CPD: variants seen among roughly 807,000 people sequenced by gnomAD.
CPD encodes carboxypeptidase D.
A neutral mutation model predicts 138.3 loss-of-function variants in CPD; 69 were observed. The observed-to-expected ratio is 0.50, with a 90% CI of 0.41 to 0.61. The LOEUF is 0.61. Ranked by LOEUF, CPD falls within the 20% of genes least tolerant of loss-of-function variation. The pLI is 0.00. For synonymous variants in CPD, 651 were observed against 642.1 expected (o/e 1.01, Z -0.21); for missense variants, 1,432 against 1,733.3 (o/e 0.83, Z 3.09).
intron 11 of CPD, among the ~76,000 whole-genome samples, chr17:30,444,990 A>G (rs1912988203): frequency 4.6e-5 from 7 of 152,054 alleles, no homozygotes; most frequent in Admixed American, 4.6e-4. Context: ...TGTTAACTAA[A>G]GCAGCAGGGG....
At chr17:30,417,646 C>T (rs1912146775) in intron 2 of CPD, among the ~76,000 whole-genome samples, 1 of 152,068 alleles carries the variant, frequency 6.6e-6, no homozygotes, top group African/African-American at 2.4e-5. Context: ...CACATCTTTC[C>T]CTTCTCTTCC....
rs1394081459 is a variant in CPD at position 30,423,503 on chromosome 17, C to T, written c.1658-3C>T. ...GCCTTCCATGTAATTATTTTGTTTT[C>T]AGGTGAACCAGAATTTAAGTACATT... On this transcript the variant is annotated splice_polypyrimidine_tract_variant and splice_region_variant and intron_variant, in intron 5 of 20. Coordinates refer to ENST00000225719, the MANE Select transcript of CPD (RefSeq NM_001304.5). 1 of 1,523,990 alleles carries T rather than the reference C, an allele frequency of 6.6e-7. No individual in the cohort carries two copies. The highest frequency in any genetic ancestry group is 2.4e-5 in the East Asian group (1 of 41,404). The allele number at this position is 1,523,990 out of a possible 1,614,324, so 94.4% of individuals were successfully genotyped here. A position where few individuals can be genotyped will look rare whatever the true frequency, so the allele number is the denominator to read the frequency against.
chr17:30,401,851 C>T (rs1355776417), intron 2 of CPD, among the ~76,000 whole-genome samples: 2 of 151,586 alleles, frequency 1.3e-5, no homozygotes, highest in Non-Finnish European at 2.9e-5. Flanking sequence ...GATTTTTTTG[C>T]ACTTATAGTG....
chr17:30,469,155 C>G lies in CPD; in HGVS notation c.*4341C>G, dbSNP rs1430971510. ...TCTACCCTAATAGGAATTGGGAAAG[C>G]AAAGTTGTATGAGAAACAGACTCTG... On this transcript the variant is annotated 3_prime_UTR_variant, in exon 21 of 21. Coordinates refer to ENST00000225719, the MANE Select transcript of CPD (RefSeq NM_001304.5). 1.8e-4 allele frequency: 28 copies of G among 152,094 alleles called. No individual in the cohort carries two copies. The highest frequency in any genetic ancestry group is 1.8e-3 in the Admixed American group (28 of 15,270). 9.4% of individuals were successfully genotyped at this position (152,094 alleles called of 1,614,324 possible).
intron 2 of CPD, among the ~76,000 whole-genome samples, chr17:30,388,415 G>A (rs1228963101): frequency 6.6e-6 from 1 of 152,160 alleles, no homozygotes; most frequent in Non-Finnish European, 1.5e-5. Flanking sequence ...GTGCTGAGTC[G>A]CCCTCAGTCC....
intron 2 of CPD, among the ~76,000 whole-genome samples, chr17:30,407,560 T>C (rs766793646): frequency 6.6e-6 from 1 of 152,238 alleles, no homozygotes; most frequent in Non-Finnish European, 1.5e-5. Context: ...GTTTCTCTGA[T>C]GACCAGTGAT....
rs767940267 is a variant in CPD at position 30,431,856 on chromosome 17, A to G, written c.2102A>G (p.Gln701Arg). ...YSKSPDDAVFQQIALSYSKEN... is the reference protein window; with the variant it reads ...YSKSPDDAVFRQIALSYSKEN... ...AAATCACCAGATGATGCTGTGTTCC[A>G]ACAAATAGCACTTTCTTATTCCAAG... The change falls in exon 8 of 21, where the codon CAA becomes CGA. Residue 701 changes from glutamine (Q) to arginine (R), a missense_variant. Gln to Arg is a conservative substitution (Grantham distance 43). Transcript: ENST00000225719. 1.9e-6 allele frequency: 3 copies of G among 1,608,702 alleles called. No homozygotes were observed. Among genetic ancestry groups the G allele is most frequent in the Non-Finnish European group, 2.6e-6 (3 of 1,176,206 alleles).
At chr17:30,429,493 A>G (rs986010142) in intron 7 of CPD, among the ~76,000 whole-genome samples, 1 of 152,226 alleles carries the variant, frequency 6.6e-6, no homozygotes, top group Non-Finnish European at 1.5e-5. Context: ...AGCAGTTTGA[A>G]GGAGAATTTC....
intron 2 of CPD, among the ~76,000 whole-genome samples, chr17:30,401,432 T>C (rs1251328741): frequency 6.8e-6 from 1 of 146,850 alleles, no homozygotes; most frequent in Non-Finnish European, 1.5e-5. Flanking sequence ...CCTCTTCCTC[T>C]TCTTCTTCCT....
chr17:30,453,929 C>G (rs574820779), intron 14 of CPD: 2 of 152,182 alleles, frequency 1.3e-5, no homozygotes, highest in Non-Finnish European at 2.9e-5. Context: ...TAGTCACAGC[C>G]GGCACAGCTG....
chr17:30,421,592 G>A (rs1912266461), intron 3 of CPD, 72 bp from the exon 4 acceptor site: 18 of 1,292,476 alleles, frequency 1.4e-5, no homozygotes, highest in South Asian at 3.8e-5. Context: ...TTCTAGTATC[G>A]GTGCAGAGAG....
At position 30,421,698 on chromosome 17, in the gene CPD, C is replaced by T. The variant is rs761294131; in HGVS notation, c.1172C>T (p.Ser391Phe). Reference protein sequence around the residue: ...HIGVKGFVKDSITGSGLENAT... With the variant: ...HIGVKGFVKDFITGSGLENAT... The stretch of plus-strand genomic sequence containing the variant: ...GGAGTGAAAGGATTTGTTAAAGATT[C>T]CATAACAGGATCTGGGTTAGAGAAT... The change falls in exon 4 of 21, where the codon TCC becomes TTC. Residue 391 changes from serine to phenylalanine, a missense_variant. Transcript: ENST00000225719. 3.4e-5 allele frequency: 55 copies of T among 1,613,728 alleles called. No individual in the cohort carries two copies. In the South Asian group the frequency reaches 4.5e-4, roughly 13 times the overall value.
intron 2 of CPD, among the ~76,000 whole-genome samples, chr17:30,403,660 G>A (rs1911733685): frequency 6.6e-6 from 1 of 152,166 alleles, no homozygotes; most frequent in Non-Finnish European, 1.5e-5. Flanking sequence ...GTTAGGTGAT[G>A]ATGCAGAATA....
At chr17:30,401,315 TTCC>T (rs901862548) in intron 2 of CPD, among the ~76,000 whole-genome samples, 6 of 151,398 alleles carry the variant, frequency 4.0e-5, no homozygotes, top group East Asian at 1.9e-4. Context: ...CCTCTTCCTC[TTCC>T]TCCTCTTCTT....
At position 30,423,765 on chromosome 17, in the gene CPD, G is replaced by A. The variant is rs1912330720; in HGVS notation, c.1849+68G>A. 2.5e-6 allele frequency: 3 copies of A among 1,187,028 alleles called. No homozygotes were observed. The African/African-American group carries it at 4.7e-5, about 19-fold the overall frequency. 73.5% of individuals were successfully genotyped at this position (1,187,028 alleles called of 1,614,324 possible). A position where few individuals can be genotyped will look rare whatever the true frequency, so the allele number is the denominator to read the frequency against. On this transcript the variant is annotated intron_variant, in intron 6 of 20. Transcript: ENST00000225719. ...AGAATGATTATTTTGATGGAGAAGA[G>A]AATTTGAACTGGTTCTTTTGGAATT... is the stretch of plus-strand genomic sequence containing the variant.
chr17:30,421,735 A>C lies in CPD; in HGVS notation c.1209A>C (p.Ser403=). Residue 403 remains serine, a synonymous_variant, in exon 4 of 21, where the codon TCA becomes TCC. Coordinates refer to ENST00000225719, the MANE Select transcript of CPD (RefSeq NM_001304.5). ...CTGGGTTAGAGAATGCAACCATCTC[A>C]GTGGCTGGTATTAATCATAATATCA... ...TGSGLENATI[S]VAGINHNITT... 2 of 1,613,290 alleles carry C rather than the reference A, an allele frequency of 1.2e-6. No homozygotes were observed. Among genetic ancestry groups the C allele is most frequent in the East Asian group, 2.2e-5 (1 of 44,844 alleles).
chr17:30,442,442 A>G lies in CPD; in HGVS notation c.2365A>G (p.Met789Val). The G allele has an allele frequency of 6.2e-7, 1 of 1,613,168 alleles. No homozygotes were observed. The highest frequency in any genetic ancestry group is 1.1e-5 in the South Asian group (1 of 91,020). ...EQNRRSLIQF[M>V]KQVHQGVRGF... ...GAATCGAAGATCACTAATCCAGTTT[A>G]TGAAACAGGTGACTATTCAGGAGTG... The change falls in exon 10 of 21, where the codon ATG becomes GTG. Residue 789 changes from methionine (M) to valine (V), a missense_variant. Transcript: ENST00000225719.
At chr17:30,403,196 C>T (rs565526324) in intron 2 of CPD, among the ~76,000 whole-genome samples, 3 of 152,296 alleles carry the variant, frequency 2.0e-5, no homozygotes, top group Non-Finnish European at 4.4e-5. Flanking sequence ...AGTTTTGACT[C>T]GCCTTATGTA....
chr17:30,423,573 G>A lies in CPD; in HGVS notation c.1725G>A (p.Leu575=). Residue 575 remains leucine (L), a synonymous_variant, in exon 6 of 21, where the codon TTG becomes TTA. Transcript: ENST00000225719. The stretch of plus-strand genomic sequence containing the variant: ...AAGTGGTTGGAAGAGAACTGCTGTT[G>A]AACCTCATAGAATACCTTTGTAAGA... ...GNEVVGRELL[L]NLIEYLCKNF... 1.9e-6 allele frequency: 3 copies of A among 1,611,340 alleles called. No homozygotes were observed. The highest frequency in any genetic ancestry group is 2.5e-6 in the Non-Finnish European group (3 of 1,178,810).
Sources: gnomAD v4.1 joint callset for allele counts (sites outside exome capture counted in the v4.1 genomes callset) on GRCh38, gnomAD v4.1.1 for gene constraint, MANE v1.5 for transcripts, NCBI Gene and HGNC (gene_info 2026-07-23, HGNC 2026-07-21) for gene names.